Variants in HHLA1 observed in about 807,000 individuals in gnomAD.
HHLA1 encodes HHLA1 neighbor of OC90.
Under a neutral mutation model 69.9 loss-of-function variants are expected in HHLA1, and 72 were observed. The ratio of observed to expected loss-of-function variants is 1.03; its 90% CI spans 0.85 to 1.25. The LOEUF (loss-of-function observed/expected upper bound fraction) is 1.25. Among genes scored for constraint, HHLA1 ranks in the 50% most tolerant of loss-of-function variants. The pLI, the probability that HHLA1 is intolerant of heterozygous loss-of-function variation, is 0.00. For synonymous variants in HHLA1, 252 were observed against 233.2 expected (o/e 1.08, Z -0.73); for missense variants, 685 against 642.2 (o/e 1.07, Z -0.72).
chr8:132,065,428 T>A (rs530349360), intron 16 of HHLA1, among the ~76,000 whole-genome samples: 5 of 152,252 alleles, frequency 3.3e-5, no homozygotes, highest in Non-Finnish European at 5.9e-5. Flanking sequence ...ACTACAGGCA[T>A]CCACCACCAC....
chr8:132,098,244 T>C lies in HHLA1; in HGVS notation c.280+638A>G, dbSNP rs369178185. Among the ~76,000 whole-genome samples the C allele has an allele frequency of 4.1e-4, 63 of 152,278 alleles. No individual in the cohort carries two copies. In the East Asian group the frequency reaches 8.3e-3, roughly 20 times the overall value. On this transcript the variant is annotated intron_variant, in intron 5 of 16. Transcript: ENST00000414222. ...ATGTGTTACATACAAATCATTTTGC[T>C]AGACGCTAAAGAACACAGAAAGAAG... is the stretch of plus-strand genomic sequence containing the variant.
intron 15 of HHLA1, among the ~76,000 whole-genome samples, chr8:132,067,965 C>A (rs962684146): frequency 1.3e-5 from 2 of 152,240 alleles, no homozygotes; most frequent in African/African-American, 4.8e-5. Flanking sequence ...AAGCTACCTA[C>A]TAGCTTTGAG....
At chr8:132,081,757 G>T (rs1190158960) in intron 10 of HHLA1, among the ~76,000 whole-genome samples, 10 of 152,172 alleles carry the variant, frequency 6.6e-5, no homozygotes, top group Admixed American at 5.2e-4. Context: ...GCCAGTCCTG[G>T]GTGGCGCAAA....
At chr8:132,092,761 A>G (rs1271716874) in intron 7 of HHLA1, among the ~76,000 whole-genome samples, 1 of 152,168 alleles carries the variant, frequency 6.6e-6, no homozygotes. Context: ...ACCCAGTTTC[A>G]GGTATTTCTT....
intron 7 of HHLA1, among the ~76,000 whole-genome samples, chr8:132,093,113 G>A (rs1823970761): frequency 6.6e-6 from 1 of 152,136 alleles, no homozygotes; most frequent in African/African-American, 2.4e-5. Context: ...TACACTGATG[G>A]GTAGATATTA....
chr8:132,083,999 G>A (rs1287302433), intron 10 of HHLA1, among the ~76,000 whole-genome samples: 123 of 150,896 alleles, frequency 8.2e-4, no homozygotes, highest in African/African-American at 2.8e-3. Flanking sequence ...GCTATAAAGT[G>A]TCTCAGGGTT....
chr8:132,108,655 G>T (rs944396970), intron 1 of HHLA1, among the ~76,000 whole-genome samples: 8 of 152,198 alleles, frequency 5.3e-5, no homozygotes, highest in African/African-American at 1.9e-4. Flanking sequence ...TTGGGCACAT[G>T]GATTATTTTG....
At position 132,076,449 on chromosome 8, in the gene HHLA1, C is replaced by A. The variant is rs766100544; in HGVS notation, c.1240+26G>T. Reference sequence around the variant, plus strand: ...CCCCTCCCATCCCCCACCCCCAAACCCCCACTTCCGTACTGAGTTTCTCAC... The same window carrying A: ...CCCCTCCCATCCCCCACCCCCAAACACCCACTTCCGTACTGAGTTTCTCAC... On this transcript the variant is annotated intron_variant, in intron 13 of 16. Coordinates refer to ENST00000414222, the MANE Select transcript of HHLA1 (RefSeq NM_001145095.3). 1.0e-4 allele frequency: 119 copies of A among 1,160,596 alleles called. No individual in the cohort carries two copies. The Admixed American group carries it at 2.4e-3, about 23-fold the overall frequency. 71.9% of individuals were successfully genotyped at this position (1,160,596 alleles called of 1,614,324 possible).
intron 1 of HHLA1, 100 bp from the exon 2 acceptor site, chr8:132,105,386 A>T (rs1824187390): frequency 2.5e-6 from 2 of 798,536 alleles, no homozygotes; most frequent in Non-Finnish European, 4.3e-6. Flanking sequence ...CAATCTGAAA[A>T]AGGCTTTGTA....
At chr8:132,065,123 A>AG (rs1200326488) in intron 16 of HHLA1, among the ~76,000 whole-genome samples, 9 of 152,284 alleles carry the variant, frequency 5.9e-5, no homozygotes, top group African/African-American at 1.9e-4. Context: ...GAAGTGAGAG[A>AG]TAAAAAAAAG....
At chr8:132,095,145 C>A (rs1824002339) in intron 7 of HHLA1, among the ~76,000 whole-genome samples, 1 of 152,142 alleles carries the variant, frequency 6.6e-6, no homozygotes, top group African/African-American at 2.4e-5. Flanking sequence ...GTGTAACTTT[C>A]TTTTTCTAAT....
chr8:132,105,580 T>C (rs1824190824), intron 1 of HHLA1, among the ~76,000 whole-genome samples: 1 of 152,212 alleles, frequency 6.6e-6, no homozygotes, highest in Non-Finnish European at 1.5e-5. Context: ...GTTCTCCATG[T>C]GGCAACTGTA....
rs1461986539 is a variant in HHLA1 at position 132,062,667 on chromosome 8, G to C, written c.*1328C>G. ...CTACGTGGAGACTCAGCATAGATAG[G>C]GATACTGGAGCAACCGCAAACCTGA... On this transcript the variant is annotated 3_prime_UTR_variant, in exon 17 of 17. Coordinates refer to ENST00000414222, the MANE Select transcript of HHLA1 (RefSeq NM_001145095.3). 1 of 152,132 alleles carries C rather than the reference G, an allele frequency of 6.6e-6. No individual in the cohort carries two copies. Among genetic ancestry groups the C allele is most frequent in the Non-Finnish European group, 1.5e-5 (1 of 68,030 alleles). The allele number at this position is 152,132 out of a possible 1,614,324, so 9.4% of individuals were successfully genotyped here.
chr8:132,104,248 A>G (rs943637544), intron 2 of HHLA1, 81 bp from the exon 3 acceptor site: 7 of 949,542 alleles, frequency 7.4e-6, no homozygotes, highest in Non-Finnish European at 4.9e-6. Context: ...TACCCATTTT[A>G]CAGATGAGAG....
chr8:132,087,970 G>T, intron 8 of HHLA1, 69 bp from the exon 9 acceptor site: 1 of 1,231,744 alleles, frequency 8.1e-7, no homozygotes. Context: ...TGATTGAAAT[G>T]AAAATTAAGT....
At chr8:132,074,468 T>C (rs1823600978) in intron 14 of HHLA1, among the ~76,000 whole-genome samples, 1 of 152,166 alleles carries the variant, frequency 6.6e-6, no homozygotes, top group African/African-American at 2.4e-5. Flanking sequence ...CTGAATGAGA[T>C]ATTACCTCTC....
intron 10 of HHLA1, among the ~76,000 whole-genome samples, chr8:132,082,536 G>T (rs528836588): frequency 1.3e-5 from 2 of 152,074 alleles, no homozygotes; most frequent in South Asian, 4.2e-4. Context: ...GAATTATGCC[G>T]AGATAGGTAA....
chr8:132,087,868 A>T lies in HHLA1; in HGVS notation c.566T>A (p.Ile189Asn), dbSNP rs192480843. 5.0e-5 allele frequency: 77 copies of T among 1,551,738 alleles called. No homozygotes were observed. In the Admixed American group the frequency reaches 1.5e-3, roughly 30 times the overall value. Reference sequence around the variant, plus strand: ...ACCTGACTTTCCTGTCATCACACAGATGAAGATGCAATCTGATTCATTGCT... The same window carrying T: ...ACCTGACTTTCCTGTCATCACACAGTTGAAGATGCAATCTGATTCATTGCT... ...NQSNESDCIFICVMTGKSGRN... is the reference protein window; with the variant it reads ...NQSNESDCIFNCVMTGKSGRN... Residue 189 changes from isoleucine to asparagine, a missense_variant, in exon 9 of 17, where the codon ATC becomes AAC. By Grantham distance (149) the Ile-to-Asn change is moderately radical. Transcript: ENST00000414222.
rs117062335 is a variant in HHLA1 at position 132,109,330 on chromosome 8, C to T, written c.-22+1772G>A. Reference sequence around the variant, plus strand: ...GGTTTACTTCCTGGTCTTGATCTACCGGCCTCGGTCTCCCAAAGTGCTTGG... The same window carrying T: ...GGTTTACTTCCTGGTCTTGATCTACTGGCCTCGGTCTCCCAAAGTGCTTGG... On this transcript the variant is annotated intron_variant, in intron 1 of 16. Coordinates refer to ENST00000414222, the MANE Select transcript of HHLA1 (RefSeq NM_001145095.3). Among the ~76,000 whole-genome samples, 125 of 152,324 alleles carry T rather than the reference C, an allele frequency of 8.2e-4. 3 individuals carry two copies. In the East Asian group the frequency reaches 0.02, roughly 24 times the overall value.
Sources: allele counts gnomAD v4.1 joint callset (sites outside exome capture counted in the v4.1 genomes callset), GRCh38; gene constraint gnomAD v4.1.1; transcripts MANE v1.5; gene names NCBI Gene and HGNC (gene_info 2026-07-23, HGNC 2026-07-21).